Variants in SMC6 observed in about 807,000 individuals in gnomAD.
SMC6 encodes the protein structural maintenance of chromosomes protein 6.
In SMC6, 79 loss-of-function variants were observed where a neutral mutation model predicts 142.2. The ratio of observed to expected loss-of-function variants is 0.56; its 90% CI spans 0.46 to 0.67. SMC6 has a LOEUF of 0.67. SMC6 is among the 30% of genes least tolerant of loss of function. SMC6 has a pLI of 0.00. For missense variants in SMC6, 1,072 were observed against 1,284.0 expected (o/e 0.83, Z 2.52); for synonymous variants, 411 against 412.4 (o/e 1.00, Z 0.04).
intron 3 of SMC6, among the ~76,000 whole-genome samples, chr2:17,744,673 A>T (rs1341059091): frequency 1.3e-5 from 2 of 152,214 alleles, no homozygotes; most frequent in Non-Finnish European, 2.9e-5. Flanking sequence ...GGGGAAAAGT[A>T]TCCAATGTTT....
At chr2:17,680,751 A>G (rs1241318980) in intron 24 of SMC6, 1 of 152,196 alleles carries the variant, frequency 6.6e-6, no homozygotes, top group East Asian at 1.9e-4. Flanking sequence ...ATGATACTAT[A>G]AACAGATGTG....
chr2:17,747,464 T>C (rs1005190757), intron 2 of SMC6, among the ~76,000 whole-genome samples: 1 of 152,044 alleles, frequency 6.6e-6, no homozygotes. Flanking sequence ...CAATATTTAT[T>C]ATATTAGAAA....
intron 5 of SMC6, 91 bp downstream of exon 5, chr2:17,738,130 A>G: frequency 1.1e-6 from 1 of 927,384 alleles, no homozygotes; most frequent in Non-Finnish European, 1.7e-6. Context: ...AAGGCACTTC[A>G]TTTCCAGTCA....
chr2:17,696,547 A>G lies in SMC6; in HGVS notation c.2395-121T>C, dbSNP rs550072294. 5.3e-4 allele frequency: 512 copies of G among 958,842 alleles called. No homozygotes were observed. In the African/African-American group the frequency reaches 7.5e-3, roughly 14 times the overall value. The allele number at this position is 958,842 out of a possible 1,614,324, so 59.4% of individuals were successfully genotyped here. Reference sequence around the variant, plus strand: ...GCTGTTTGAAGAGGCAAGTGTTATTATATCCATATGTGTCTGAATAGAAGT... The same window carrying G: ...GCTGTTTGAAGAGGCAAGTGTTATTGTATCCATATGTGTCTGAATAGAAGT... On this transcript the variant is annotated intron_variant, in intron 21 of 27. Transcript: ENST00000448223.
chr2:17,675,683 T>C (rs1246329917), intron 25 of SMC6, among the ~76,000 whole-genome samples: 1 of 152,104 alleles, frequency 6.6e-6, no homozygotes, highest in Non-Finnish European at 1.5e-5. Flanking sequence ...TCAGGTAACA[T>C]TTACCTTCAC....
At chr2:17,748,891 GA>G (rs1670880926) in intron 2 of SMC6, among the ~76,000 whole-genome samples, 1 of 152,188 alleles carries the variant, frequency 6.6e-6, no homozygotes. Context: ...CAAGGAATGT[GA>G]GATTCTATAT....
intron 16 of SMC6, among the ~76,000 whole-genome samples, chr2:17,709,711 C>A (rs969879472): frequency 6.6e-6 from 1 of 151,800 alleles, no homozygotes; most frequent in Non-Finnish European, 1.5e-5. Context: ...TGAAGGAAGA[C>A]AGAGAATAAA....
intron 2 of SMC6, 26 bp from the exon 3 acceptor site, chr2:17,745,977 G>A: frequency 1.3e-6 from 2 of 1,561,718 alleles, no homozygotes; most frequent in Non-Finnish European, 1.7e-6. Context: ...TAGTAACAAT[G>A]AGGTAAATCA....
intron 5 of SMC6, among the ~76,000 whole-genome samples, chr2:17,733,888 C>T (rs1409656059): frequency 6.6e-6 from 1 of 152,164 alleles, no homozygotes; most frequent in African/African-American, 2.4e-5. Context: ...GACAGTAAGA[C>T]TTATAAATGC....
chr2:17,707,120 C>T lies in SMC6; in HGVS notation c.2006+99G>A, dbSNP rs574641885. The T allele has an allele frequency of 3.8e-5, 35 of 933,012 alleles. No homozygotes were observed. In the South Asian group the frequency reaches 8.0e-4, roughly 21 times the overall value. 57.8% of individuals were successfully genotyped at this position (933,012 alleles called of 1,614,324 possible). A position where few individuals can be genotyped will look rare whatever the true frequency, so the allele number is the denominator to read the frequency against. Reference sequence around the variant, plus strand: ...ACCAAGCACTGAGATAGATTACTCACGTCCTCACTGAAACAACCACTAAAA... The same window carrying T: ...ACCAAGCACTGAGATAGATTACTCATGTCCTCACTGAAACAACCACTAAAA... On this transcript the variant is annotated intron_variant, in intron 18 of 27. Coordinates refer to ENST00000448223, the MANE Select transcript of SMC6 (RefSeq NM_001142286.2).
intron 24 of SMC6, chr2:17,681,124 C>T (rs1039749749): frequency 3.3e-5 from 5 of 152,244 alleles, no homozygotes; most frequent in African/African-American, 1.2e-4. Context: ...ACAAAGACGG[C>T]CTCTTTCCTT....
intron 5 of SMC6, among the ~76,000 whole-genome samples, chr2:17,734,732 T>C (rs1670064100): frequency 1.3e-5 from 1 of 74,974 alleles, no homozygotes; most frequent in Non-Finnish European, 3.8e-5. Flanking sequence ...ATAAATTTTC[T>C]TTTCTTTTTT....
intron 23 of SMC6, among the ~76,000 whole-genome samples, chr2:17,687,058 A>G (rs1038337711): frequency 9.2e-5 from 14 of 152,216 alleles, no homozygotes; most frequent in Non-Finnish European, 1.8e-4. Flanking sequence ...TTCTGGTTCT[A>G]GGCATTTTGG....
In SMC6 at chr2:17,732,727, G is replaced by A. The variant is rs539108616; in HGVS notation, c.345-850C>T. 1.1e-4 allele frequency among the ~76,000 whole-genome samples: 16 copies of A among 151,342 alleles called. No homozygotes were observed. The South Asian group carries it at 3.3e-3, about 32-fold the overall frequency. The stretch of plus-strand genomic sequence containing the variant: ...AAAAAAAAAGAAAAAAGAAACTAAA[G>A]CCCAAAATTTCTTAAAGCTTTACTG... On this transcript the variant is annotated intron_variant, in intron 5 of 27. Transcript: ENST00000448223.
At chr2:17,717,318 T>C (rs1295323502) in intron 12 of SMC6, 142 bp from the exon 13 acceptor site, 8 of 548,244 alleles carry the variant, frequency 1.5e-5, no homozygotes, top group Non-Finnish European at 2.2e-5. Context: ...TTTGAAACCA[T>C]TACATTTTTT....
chr2:17,695,234 T>C lies in SMC6; in HGVS notation c.2596A>G (p.Ile866Val). 9 of 1,613,702 alleles carry C rather than the reference T, an allele frequency of 5.6e-6. No homozygotes were observed. Among genetic ancestry groups the C allele is most frequent in the Non-Finnish European group, 7.6e-6 (9 of 1,179,830 alleles). ...ERIEVEKSAS[I>V]LDKEINRLRQ... ...AATCGATTAATTTCTTTGTCCAGAA[T>C]TGATGCAGATTTTTCTACTTCTATA... is the stretch of plus-strand genomic sequence containing the variant. Residue 866 changes from isoleucine to valine, a missense_variant, in exon 23 of 28, where the codon ATT (isoleucine) becomes GTT (valine). Coordinates refer to ENST00000448223, the MANE Select transcript of SMC6 (RefSeq NM_001142286.2).
At chr2:17,708,054 T>A (rs1267515206) in intron 17 of SMC6, among the ~76,000 whole-genome samples, 1 of 151,782 alleles carries the variant, frequency 6.6e-6, no homozygotes, top group Non-Finnish European at 1.5e-5. Context: ...CTTCTTAGCA[T>A]CTATCAATGA....
intron 5 of SMC6, among the ~76,000 whole-genome samples, chr2:17,732,581 C>T (rs1669962218): frequency 6.6e-6 from 1 of 151,960 alleles, no homozygotes; most frequent in Admixed American, 6.6e-5. Context: ...TGCCTGTAAT[C>T]CCAGCTACTC....
chr2:17,671,036 GTTT>G (rs138967912), intron 25 of SMC6, among the ~76,000 whole-genome samples: 1 of 137,108 alleles, frequency 7.3e-6, no homozygotes. Context: ...TAATTTTTGT[GTTT>G]TTTTTTTTTT....
Sources: allele counts gnomAD v4.1 joint callset (sites outside exome capture counted in the v4.1 genomes callset), GRCh38; gene constraint gnomAD v4.1.1; transcripts MANE v1.5; gene names NCBI Gene and HGNC (gene_info 2026-07-23, HGNC 2026-07-21).